Variants in DCHS2 observed in about 807,000 individuals in gnomAD.
DCHS2 encodes protocadherin-23.
DCHS2 carries 142 observed loss-of-function variants against 182.4 expected under a neutral mutation model. The ratio of observed to expected loss-of-function variants is 0.78; its 90% CI spans 0.68 to 0.89. The LOEUF is 0.89. Among genes scored for constraint, DCHS2 ranks in the 40% least tolerant of loss-of-function variants. DCHS2 has a pLI of 0.00. For synonymous variants in DCHS2, 1,740 were observed against 1,663.3 expected (o/e 1.05, Z -1.12); for missense variants, 4,319 against 4,198.6 (o/e 1.03, Z -0.79).
chr4:154,285,286 T>G (rs1734342261), intron 13 of DCHS2, among the ~76,000 whole-genome samples: 1 of 152,074 alleles, frequency 6.6e-6, no homozygotes, highest in African/African-American at 2.4e-5. Context: ...GCTTCATGTG[T>G]GACCCAGCAT....
chr4:154,369,957 G>A (rs1730565832), intron 2 of DCHS2, among the ~76,000 whole-genome samples: 2 of 152,150 alleles, frequency 1.3e-5, no homozygotes, highest in Admixed American at 1.3e-4. Context: ...TTTGGTAATT[G>A]TCTGCTTTCC....
intron 19 of DCHS2, 82 bp from the exon 20 acceptor site, chr4:154,237,241 C>A: frequency 6.8e-7 from 1 of 1,466,366 alleles, no homozygotes; most frequent in Non-Finnish European, 9.0e-7. Flanking sequence ...TATCCAATGT[C>A]TACTAATATG....
intron 3 of DCHS2, among the ~76,000 whole-genome samples, chr4:154,347,494 C>A (rs1336272408): frequency 6.6e-6 from 1 of 151,570 alleles, no homozygotes; most frequent in African/African-American, 2.4e-5. Flanking sequence ...ATTTACTGTG[C>A]AGAACTGCTA....
chr4:154,491,313 G>A lies in DCHS2; in HGVS notation c.43C>T (p.Arg15Trp), dbSNP rs1224600404. 2 of 1,547,506 alleles carry A rather than the reference G, an allele frequency of 1.3e-6. No individual in the cohort carries two copies. Among genetic ancestry groups the A allele is most frequent in the Admixed American group, 2.0e-5 (1 of 50,846 alleles). Residue 15 changes from arginine to tryptophan, a missense_variant, in exon 1 of 20, where the codon CGG becomes TGG. Arg to Trp is a moderately radical substitution (Grantham distance 101). Coordinates refer to ENST00000357232, the MANE Select transcript of DCHS2 (RefSeq NM_001358235.2). ...AGGAGCTTCCCGACCGGAGCCCGCCGCTGCTGACGCCCTTCGCCCATCTTC... is the reference window on the plus strand; with the variant it reads ...AGGAGCTTCCCGACCGGAGCCCGCCACTGCTGACGCCCTTCGCCCATCTTC... Reference protein sequence around the residue: ...GRKMGEGRQQRRAPVGKLLLL... With the variant: ...GRKMGEGRQQWRAPVGKLLLL...
At chr4:154,372,323 A>C (rs892445897) in intron 2 of DCHS2, among the ~76,000 whole-genome samples, 1 of 152,204 alleles carries the variant, frequency 6.6e-6, no homozygotes, top group African/African-American at 2.4e-5. Context: ...AATGAAAATG[A>C]ATGTGCCTTT....
intron 1 of DCHS2, chr4:154,384,314 C>G (rs532101569): frequency 6.3e-7 from 1 of 1,581,736 alleles, no homozygotes; most frequent in African/African-American, 1.4e-5. Flanking sequence ...AAACATCCTT[C>G]ATCAGACACC....
At chr4:154,353,259 C>A (rs1729701600) in intron 3 of DCHS2, among the ~76,000 whole-genome samples, 1 of 151,740 alleles carries the variant, frequency 6.6e-6, no homozygotes, top group Admixed American at 6.6e-5. Flanking sequence ...CCCAAGGATT[C>A]AAAGAATTCC....
At chr4:154,371,466 T>G (rs1469274501) in intron 2 of DCHS2, among the ~76,000 whole-genome samples, 3 of 152,024 alleles carry the variant, frequency 2.0e-5, no homozygotes, top group African/African-American at 7.2e-5. Context: ...GAGACCAGCT[T>G]AAGTTCATAA....
intron 1 of DCHS2, among the ~76,000 whole-genome samples, chr4:154,467,356 G>A (rs1478524372): frequency 6.6e-6 from 1 of 152,098 alleles, no homozygotes. Flanking sequence ...GGCATGAAAT[G>A]ATACCAGGTT....
rs1339266161 is a variant in DCHS2 at position 154,321,066 on chromosome 4, C to T, written c.4333G>A (p.Ala1445Thr). The change falls in exon 9 of 20, where the codon GCA becomes ACA. Residue 1445 changes from alanine (A) to threonine (T), a missense_variant. Physicochemically the swap from Ala to Thr is moderately conservative, Grantham distance 58. Transcript: ENST00000357232. ...YNGKLHFSIV[A>T]DDKDGHFEID... ...TCAAAGTGTCCATCCTTATCATCTGCAACAATACTAAAATGTAACTTTCCA... is the reference window on the plus strand; with the variant it reads ...TCAAAGTGTCCATCCTTATCATCTGTAACAATACTAAAATGTAACTTTCCA... 1 of 1,610,412 alleles carries T rather than the reference C, an allele frequency of 6.2e-7. No individual in the cohort carries two copies. Among genetic ancestry groups the T allele is most frequent in the Non-Finnish European group, 8.5e-7 (1 of 1,177,068 alleles).
At chr4:154,426,135 T>G (rs1733315021) in intron 1 of DCHS2, among the ~76,000 whole-genome samples, 1 of 152,124 alleles carries the variant, frequency 6.6e-6, no homozygotes, top group Non-Finnish European at 1.5e-5. Flanking sequence ...TCAACACTGT[T>G]CCCTCACTGC....
At chr4:154,437,661 T>C (rs1038061521) in intron 1 of DCHS2, among the ~76,000 whole-genome samples, 2 of 152,198 alleles carry the variant, frequency 1.3e-5, no homozygotes, top group African/African-American at 4.8e-5. Flanking sequence ...TGATTTTGAG[T>C]AACATATTCG....
intron 7 of DCHS2, chr4:154,323,228 C>G: frequency 6.5e-7 from 1 of 1,544,848 alleles, no homozygotes; most frequent in Non-Finnish European, 8.7e-7. Context: ...ATCTAGAGAA[C>G]TGACCAGATT....
chr4:154,248,239 CATATA>C (rs1311595077), intron 16 of DCHS2, among the ~76,000 whole-genome samples: 3 of 151,978 alleles, frequency 2.0e-5, no homozygotes, highest in African/African-American at 7.3e-5. Context: ...TGAATAGATT[CATATA>C]ATATAAACAC....
chr4:154,258,659 G>A (rs1455076816), intron 15 of DCHS2, among the ~76,000 whole-genome samples: 1 of 152,076 alleles, frequency 6.6e-6, no homozygotes, highest in Non-Finnish European at 1.5e-5. Context: ...TTACAGTTGT[G>A]AGCCACTGTG....
At chr4:154,279,536 A>G (rs1171367837) in intron 13 of DCHS2, among the ~76,000 whole-genome samples, 1 of 152,074 alleles carries the variant, frequency 6.6e-6, no homozygotes, top group Non-Finnish European at 1.5e-5. Context: ...TAAAAAGTCC[A>G]TTCAACCACA....
intron 16 of DCHS2, among the ~76,000 whole-genome samples, chr4:154,254,561 G>A (rs780128130): frequency 2.0e-5 from 3 of 152,186 alleles, no homozygotes; most frequent in Admixed American, 6.5e-5. Flanking sequence ...TGCTGGCTGG[G>A]CGCAGTGGCT....
intron 1 of DCHS2, among the ~76,000 whole-genome samples, chr4:154,409,604 C>T (rs1214827465): frequency 6.6e-6 from 1 of 152,134 alleles, no homozygotes; most frequent in Non-Finnish European, 1.5e-5. Flanking sequence ...GCCTTGGAGA[C>T]TCACCCTGTA....
chr4:154,405,149 C>T (rs1242088092), intron 1 of DCHS2, among the ~76,000 whole-genome samples: 2 of 152,030 alleles, frequency 1.3e-5, no homozygotes, highest in African/African-American at 4.8e-5. Flanking sequence ...GCTCGGGAGG[C>T]AGAGGCAGGA....
Sources: gnomAD v4.1 joint callset for allele counts (sites outside exome capture counted in the v4.1 genomes callset) on GRCh38, gnomAD v4.1.1 for gene constraint, MANE v1.5 for transcripts, NCBI Gene and HGNC (gene_info 2026-07-23, HGNC 2026-07-21) for gene names.